Variants in RBFOX1 observed in about 807,000 individuals in gnomAD.
The protein encoded by RBFOX1 is RNA binding fox-1 homolog 1.
In RBFOX1, 8 loss-of-function variants were observed where a neutral mutation model predicts 57.7. That is an observed-to-expected ratio of 0.14 (90% CI 0.08 to 0.25). The LOEUF (loss-of-function observed/expected upper bound fraction) is 0.25. RBFOX1 is among the 10% of genes least tolerant of loss of function. The pLI is 1.00. For missense variants in RBFOX1, 611 were observed against 548.5 expected (o/e 1.11, Z -1.14); for synonymous variants, 326 against 222.4 (o/e 1.47, Z -4.15).
At chr16:6,600,026 A>C (rs1046537714) in intron 2 of RBFOX1, among the ~76,000 whole-genome samples, 1 of 152,178 alleles carries the variant, frequency 6.6e-6, no homozygotes, top group Admixed American at 6.5e-5. Flanking sequence ...GATAACTGCA[A>C]AGGGCATCTG....
intron 3 of RBFOX1, among the ~76,000 whole-genome samples, chr16:5,683,769 A>G (rs2050418704): frequency 6.7e-6 from 1 of 148,266 alleles, no homozygotes; most frequent in Non-Finnish European, 1.5e-5. Flanking sequence ...TATATAATAT[A>G]TATACTGTAT....
chr16:7,064,875 A>T (rs1568614384), intron 4 of RBFOX1, among the ~76,000 whole-genome samples: 1 of 152,202 alleles, frequency 6.6e-6, no homozygotes, highest in Non-Finnish European at 1.5e-5. Flanking sequence ...TGCAATTTTA[A>T]ACTAGCTGTG....
chr16:5,988,492 A>G lies in RBFOX1; in HGVS notation c.351+121157A>G, dbSNP rs182267578. On this transcript the variant is annotated intron_variant, in intron 4 of 19. Transcript: ENST00000641259. ...TCCTGTCTTAGGTCTGGTTACCACT[A>G]CTTCGTCTAAGTTCCCAGAGGAAGG... Among the ~76,000 whole-genome samples the G allele has an allele frequency of 7.9e-5, 12 of 152,236 alleles. No homozygotes were observed. In the East Asian group the frequency reaches 1.9e-3, roughly 25 times the overall value.
In RBFOX1 at chr16:7,712,632, A is replaced by AG. The variant is rs1157404988; in HGVS notation, c.*1891dup. The stretch of plus-strand genomic sequence containing the variant: ...TTCACCAGACTTCTTTGGGTGGGTG[A>AG]GGGGAGGGGCAAGAGGGTGTTTTAT... On this transcript the variant is annotated 3_prime_UTR_variant, in exon 16 of 16. Transcript: ENST00000550418. 1.3e-5 allele frequency: 2 copies of AG among 152,232 alleles called. No individual in the cohort carries two copies. The highest frequency in any genetic ancestry group is 2.9e-5 in the Non-Finnish European group (2 of 67,980). The allele number at this position is 152,232 out of a possible 1,614,324, so 9.4% of individuals were successfully genotyped here.
intron 4 of RBFOX1, among the ~76,000 whole-genome samples, chr16:7,285,288 A>T (rs1234651049): frequency 6.6e-6 from 1 of 152,056 alleles, no homozygotes; most frequent in East Asian, 1.9e-4. Context: ...AACATTTGGC[A>T]AAATTAAAGT....
intron 4 of RBFOX1, among the ~76,000 whole-genome samples, chr16:7,104,132 G>C (rs1000224884): frequency 6.6e-6 from 1 of 152,154 alleles, no homozygotes; most frequent in Non-Finnish European, 1.5e-5. Flanking sequence ...ATCTGTATCT[G>C]TATGGAAATT....
intron 4 of RBFOX1, among the ~76,000 whole-genome samples, chr16:7,406,538 G>C (rs938230530): frequency 1.3e-5 from 2 of 152,172 alleles, no homozygotes; most frequent in African/African-American, 4.8e-5. Flanking sequence ...GTAAATTAGA[G>C]AGTGATGCAA....
At chr16:6,102,562 T>G (rs2096326287) in intron 1 of RBFOX1, among the ~76,000 whole-genome samples, 1 of 152,030 alleles carries the variant, frequency 6.6e-6, no homozygotes, top group Non-Finnish European at 1.5e-5. Flanking sequence ...TCTCTCTCTC[T>G]CCACCCTCCC....
At chr16:5,483,929 G>C (rs968677806) in intron 2 of RBFOX1, among the ~76,000 whole-genome samples, 1 of 152,148 alleles carries the variant, frequency 6.6e-6, no homozygotes, top group African/African-American at 2.4e-5. Flanking sequence ...CCAGCACTTT[G>C]AGAGGTAGAG....
intron 3 of RBFOX1, among the ~76,000 whole-genome samples, chr16:6,721,567 T>C (rs1391989814): frequency 6.6e-6 from 1 of 152,206 alleles, no homozygotes. Context: ...GGAAGCTTTA[T>C]GTTTGTTAAA....
intron 1 of RBFOX1, among the ~76,000 whole-genome samples, chr16:6,242,791 AT>A (rs2097547007): frequency 2.0e-5 from 3 of 152,150 alleles, no homozygotes; most frequent in Non-Finnish European, 1.5e-5. Context: ...TAATAAACAC[AT>A]AACCCTTGTT....
rs2063940905 is a variant in RBFOX1, at chr16:5,306,589, G to C, written c.219+66484G>C. On this transcript the variant is annotated intron_variant, in intron 1 of 2. Coordinates refer to the RBFOX1 transcript ENST00000585867. ...TCCCAGATTGCTGGGATTACGGTGTGAGTCACCATGCCTGGCCGGGGTCTT... is the reference window on the plus strand; with the variant it reads ...TCCCAGATTGCTGGGATTACGGTGTCAGTCACCATGCCTGGCCGGGGTCTT... Among the ~76,000 whole-genome samples the C allele has an allele frequency of 2.6e-5, 4 of 152,144 alleles. No homozygotes were observed. The South Asian group carries it at 8.3e-4, about 32-fold the overall frequency.
intron 1 of RBFOX1, among the ~76,000 whole-genome samples, chr16:5,405,213 T>G (rs1034667175): frequency 6.6e-6 from 1 of 152,130 alleles, no homozygotes; most frequent in African/African-American, 2.4e-5. Flanking sequence ...TGCGCTTCCT[T>G]GGTGACATGG....
At chr16:6,083,625 C>T (rs1034596196) in intron 1 of RBFOX1, among the ~76,000 whole-genome samples, 2 of 152,066 alleles carry the variant, frequency 1.3e-5, no homozygotes, top group Non-Finnish European at 1.5e-5. Context: ...CACAGACGTG[C>T]GCCACCACGC....
intron 4 of RBFOX1, among the ~76,000 whole-genome samples, chr16:5,873,445 G>A (rs968986185): frequency 6.6e-6 from 1 of 152,148 alleles, no homozygotes; most frequent in Non-Finnish European, 1.5e-5. Context: ...AGTCATCTCC[G>A]TCCTTGAAGC....
At chr16:5,664,457 C>G (rs2049765687) in intron 3 of RBFOX1, among the ~76,000 whole-genome samples, 1 of 151,876 alleles carries the variant, frequency 6.6e-6, no homozygotes, top group Admixed American at 6.6e-5. Flanking sequence ...CTGAGGCAGA[C>G]AATCAATTGA....
chr16:5,528,489 A>C (rs879563740), intron 2 of RBFOX1, among the ~76,000 whole-genome samples: 1 of 151,536 alleles, frequency 6.6e-6, no homozygotes, highest in Admixed American at 6.6e-5. Flanking sequence ...CTAAAGCGAC[A>C]ATGGCATTAT....
At chr16:6,319,552 A>C (rs1056230937) in intron 2 of RBFOX1, among the ~76,000 whole-genome samples, 7 of 152,184 alleles carry the variant, frequency 4.6e-5, no homozygotes, top group Non-Finnish European at 1.0e-4. Context: ...ATTAGACAAG[A>C]GACCAGTATG....
intron 4 of RBFOX1, among the ~76,000 whole-genome samples, chr16:7,343,754 C>A (rs920385504): frequency 6.6e-6 from 1 of 152,122 alleles, no homozygotes. Context: ...GGTTCATCTG[C>A]TGCAACCATT....
Sources: allele counts gnomAD v4.1 joint callset (sites outside exome capture counted in the v4.1 genomes callset), GRCh38; gene constraint gnomAD v4.1.1; transcripts MANE v1.5; gene names NCBI Gene and HGNC (gene_info 2026-07-23, HGNC 2026-07-21).